The following CCDC12 variants were observed in gnomAD, a reference collection of about 807,000 sequenced individuals.
CCDC12 encodes coiled-coil domain containing 12.
Under a neutral mutation model 25.7 loss-of-function variants are expected in CCDC12, and 28 were observed. The ratio of observed to expected loss-of-function variants is 1.09; its 90% confidence interval spans 0.81 to 1.50. The LOEUF (loss-of-function observed/expected upper bound fraction) is 1.50. CCDC12 is among the 40% of genes most tolerant of loss of function. The pLI, the probability that CCDC12 is intolerant of heterozygous loss-of-function variation, is 0.00. For missense variants in CCDC12, 198 were observed against 210.0 expected (o/e 0.94, Z 0.35); for synonymous variants, 75 against 87.7 (o/e 0.86, Z 0.81).
rs1434585987 is a variant in CCDC12 at position 46,955,230 on chromosome 3, A to C, written c.97-14165T>G. 2.6e-5 allele frequency among the ~76,000 whole-genome samples: 4 copies of C among 152,100 alleles called. No individual in the cohort carries two copies. In the East Asian group the frequency reaches 5.8e-4, roughly 22 times the overall value. ...GGCAAGTCTGTTTTTCCTGAGGAAA[A>C]TCTCAGCCCAACTAACTCCCAAATC... On this transcript the variant is annotated intron_variant, in intron 1 of 6. Coordinates refer to ENST00000683445, the MANE Select transcript of CCDC12 (RefSeq NM_001277074.2).
At chr3:46,925,663 A>C (rs1347090485) in intron 2 of CCDC12, 128 bp from the exon 3 acceptor site, 1 of 801,388 alleles carries the variant, frequency 1.2e-6, no homozygotes, top group Non-Finnish European at 1.9e-6. Flanking sequence ...ATAGCCTGGT[A>C]AGGAGGAGAA....
chr3:46,922,449 A>C, intron 5 of CCDC12, 137 bp from the exon 6 acceptor site: 2 of 860,802 alleles, frequency 2.3e-6, no homozygotes, highest in South Asian at 2.9e-5. Context: ...GGAAGAGGCC[A>C]GGACATTCCC....
chr3:46,979,541 A>C (rs1575572681), upstream of CCDC12: 1 of 202,402 alleles, frequency 4.9e-6, no homozygotes, highest in Non-Finnish European at 1.0e-5. Context: ...GCAGCGGGGC[A>C]CCCTCCCGGG....
At chr3:46,927,308 G>A (rs1241626974) in intron 2 of CCDC12, among the ~76,000 whole-genome samples, 1 of 152,200 alleles carries the variant, frequency 6.6e-6, no homozygotes, top group Non-Finnish European at 1.5e-5. Flanking sequence ...GGGTGCAAAG[G>A]CTTTCGTTCA....
chr3:46,965,038 C>T (rs546192920), intron 1 of CCDC12, among the ~76,000 whole-genome samples: 3 of 151,876 alleles, frequency 2.0e-5, no homozygotes, highest in African/African-American at 7.2e-5. Flanking sequence ...AGGAAAAAGT[C>T]CTCCAAAGAG....
At chr3:46,940,677 G>A in intron 2 of CCDC12, 1 of 327,078 alleles carries the variant, frequency 3.1e-6, no homozygotes, top group South Asian at 4.6e-5. Flanking sequence ...GTGCAGAAGG[G>A]GCACTTACTC....
At chr3:46,960,312 C>G (rs1406883925) in intron 1 of CCDC12, among the ~76,000 whole-genome samples, 1 of 152,226 alleles carries the variant, frequency 6.6e-6, no homozygotes, top group Non-Finnish European at 1.5e-5. Flanking sequence ...CCAGCATTCA[C>G]TCTCACTTCC....
At chr3:46,943,969 G>A (rs1035682172) in intron 1 of CCDC12, among the ~76,000 whole-genome samples, 3 of 152,146 alleles carry the variant, frequency 2.0e-5, no homozygotes, top group Non-Finnish European at 2.9e-5. Context: ...ATAGGACAAT[G>A]GGCATTCACG....
intron 1 of CCDC12, among the ~76,000 whole-genome samples, chr3:46,972,148 A>T (rs775696861): frequency 1.3e-5 from 2 of 152,214 alleles, no homozygotes; most frequent in Non-Finnish European, 2.9e-5. Flanking sequence ...ATTGAACTTC[A>T]TCAAATTTTA....
intron 1 of CCDC12, among the ~76,000 whole-genome samples, chr3:46,950,932 A>C (rs2107160336): frequency 6.6e-6 from 1 of 152,292 alleles, no homozygotes; most frequent in Middle Eastern, 3.4e-3. Context: ...GATCTCACTT[A>C]TATGTGGAAT....
intron 2 of CCDC12, among the ~76,000 whole-genome samples, chr3:46,927,807 G>A (rs936779133): frequency 7.9e-5 from 12 of 152,306 alleles, no homozygotes; most frequent in African/African-American, 1.9e-4. Flanking sequence ...GTGTGATCGC[G>A]TGAAAATGGT....
intron 5 of CCDC12, chr3:46,922,922 A>G (rs2032749592): frequency 5.5e-6 from 1 of 180,324 alleles, no homozygotes; most frequent in Admixed American, 5.9e-5. Context: ...AAGGATGACG[A>G]CCTCCATTTC....
At chr3:46,951,382 A>G (rs546523952) in intron 1 of CCDC12, among the ~76,000 whole-genome samples, 2 of 152,228 alleles carry the variant, frequency 1.3e-5, no homozygotes, top group South Asian at 4.1e-4. Context: ...ACCACAAAAA[A>G]TGTTAAATCA....
intron 2 of CCDC12, among the ~76,000 whole-genome samples, chr3:46,937,007 G>A (rs187064711): frequency 2.6e-5 from 4 of 152,258 alleles, no homozygotes; most frequent in Admixed American, 1.3e-4. Context: ...AGAGGAGGGC[G>A]CCCCCTCCAT....
At chr3:46,962,710 G>C (rs1344856821) in intron 1 of CCDC12, among the ~76,000 whole-genome samples, 1 of 152,102 alleles carries the variant, frequency 6.6e-6, no homozygotes, top group African/African-American at 2.4e-5. Context: ...CACCAGCCTG[G>C]CTAACATGAA....
chr3:46,949,026 T>C (rs965596206), intron 1 of CCDC12, among the ~76,000 whole-genome samples: 1 of 152,188 alleles, frequency 6.6e-6, no homozygotes, highest in Non-Finnish European at 1.5e-5. Context: ...CAGGGGTTCT[T>C]ATCCTCGGTG....
At chr3:46,923,290 C>T (rs750098870) in intron 5 of CCDC12, 39 bp downstream of exon 5, 79 of 1,461,410 alleles carry the variant, frequency 5.4e-5, no homozygotes, top group Middle Eastern at 2.6e-4. Context: ...CAAGAGTCCC[C>T]GAGTCAGCCT....
At chr3:46,958,721 C>T (rs1329083824) in intron 1 of CCDC12, among the ~76,000 whole-genome samples, 3 of 152,106 alleles carry the variant, frequency 2.0e-5, no homozygotes, top group African/African-American at 4.8e-5. Context: ...AGCTGAGACT[C>T]GGGATGTTTG....
chr3:46,937,274 C>T (rs1244058203), intron 2 of CCDC12, among the ~76,000 whole-genome samples: 10 of 152,232 alleles, frequency 6.6e-5, no homozygotes, highest in Non-Finnish European at 8.8e-5. Flanking sequence ...GGACCTTTGC[C>T]ACCCAAACCC....
Sources: gnomAD v4.1 joint callset for allele counts (sites outside exome capture counted in the v4.1 genomes callset) on GRCh38, gnomAD v4.1.1 for gene constraint, MANE v1.5 for transcripts, NCBI Gene and HGNC (gene_info 2026-07-23, HGNC 2026-07-21) for gene names.